Variants in COL17A1 observed in about 807,000 individuals in gnomAD.
COL17A1 encodes the protein collagen type XVII alpha 1 chain, also known as collagen alpha-1(XVII) chain.
COL17A1 carries 181 observed loss-of-function variants against 218.4 expected under a neutral mutation model. That is an observed-to-expected ratio of 0.83 (90% CI 0.73 to 0.94). The LOEUF is 0.94. COL17A1 is among the 40% of genes least tolerant of loss of function. The pLI, the probability that COL17A1 is intolerant of heterozygous loss-of-function variation, is 0.00. For synonymous variants in COL17A1, 721 were observed against 731.0 expected, an observed-to-expected ratio of 0.99 and a Z score of 0.22; for missense variants, 1,924 against 1,945.9, an observed-to-expected ratio of 0.99 and a Z score of 0.21.
chr10:104,041,948 G>A (rs74154724), intron 36 of COL17A1, among the ~76,000 whole-genome samples: 5,864 of 152,222 alleles, frequency 0.039, 352 homozygotes, highest in African/African-American at 0.13. Flanking sequence ...GGAAGACTCG[G>A]TGAAACACTG....
chr10:104,054,887 T>TG, intron 20 of COL17A1, 94 bp downstream of exon 20: 7 of 1,583,406 alleles, frequency 4.4e-6, no homozygotes, highest in Non-Finnish European at 6.1e-6. Context: ...AATTACTTCT[T>TG]GGAGTGCAAG....
At chr10:104,069,776 C>T (rs781740771) in intron 9 of COL17A1, among the ~76,000 whole-genome samples, 2 of 152,126 alleles carry the variant, frequency 1.3e-5, no homozygotes, top group African/African-American at 4.8e-5. Context: ...CCTGGCATCT[C>T]GGTGCTAATT....
chr10:104,065,978 C>A (rs147287331), intron 9 of COL17A1, among the ~76,000 whole-genome samples: 1 of 152,192 alleles, frequency 6.6e-6, no homozygotes, highest in Non-Finnish European at 1.5e-5. Flanking sequence ...ATACTAGGCC[C>A]CTGCTTGGAT....
chr10:104,055,642 C>A, intron 18 of COL17A1, 140 bp downstream of exon 18: 1 of 1,266,826 alleles, frequency 7.9e-7, no homozygotes, highest in Non-Finnish European at 1.1e-6. Context: ...TACCTCTCAG[C>A]GCTATTGAGA....
chr10:104,065,828 C>T (rs1012775008), intron 9 of COL17A1, among the ~76,000 whole-genome samples: 3 of 152,202 alleles, frequency 2.0e-5, no homozygotes, highest in South Asian at 2.1e-4. Flanking sequence ...CCTGCCAAGG[C>T]GTGGTTGAAT....
At chr10:104,038,895 C>A (rs1280658902) in intron 44 of COL17A1, among the ~76,000 whole-genome samples, 176 bp downstream of exon 44, 1 of 152,168 alleles carries the variant, frequency 6.6e-6, no homozygotes, top group Non-Finnish European at 1.5e-5. Context: ...TTCCCCTCAA[C>A]CCAATAACTC....
At chr10:104,040,497 C>T (rs2086347504) in intron 39 of COL17A1, 87 bp from the exon 40 acceptor site, 5 of 681,854 alleles carry the variant, frequency 7.3e-6, no homozygotes, top group Admixed American at 1.9e-5. Flanking sequence ...CATAGATGCT[C>T]AATCAATACT....
At chr10:104,069,128 C>G (rs544564403) in intron 9 of COL17A1, among the ~76,000 whole-genome samples, 10 of 152,208 alleles carry the variant, frequency 6.6e-5, no homozygotes, top group East Asian at 1.9e-4. Context: ...AACAGACTAC[C>G]AGAGGAAGAC....
rs1032048477 is a variant in COL17A1 at position 104,055,490 on chromosome 10, G to A, written c.1688-89C>T. ...CACACACACACACACACAATAAGGG[G>A]ATCATGGTATGGGAAGAAGAAACTG... On this transcript the variant is annotated intron_variant, in intron 18 of 55. Coordinates refer to ENST00000648076, the MANE Select transcript of COL17A1 (RefSeq NM_000494.4). 60 of 649,020 alleles carry A rather than the reference G, an allele frequency of 9.2e-5. No homozygotes were observed. In the Middle Eastern group the frequency reaches 1.1e-3, roughly 12 times the overall value. 40.2% of individuals were successfully genotyped at this position (649,020 alleles called of 1,614,324 possible).
chr10:104,064,298 G>A, intron 10 of COL17A1, 140 bp downstream of exon 10: 1 of 1,370,836 alleles, frequency 7.3e-7, no homozygotes, highest in Admixed American at 2.0e-5. Context: ...GTTCCAGGGG[G>A]AATCTCCTGG....
At chr10:104,074,989 C>G (rs2086698041) in intron 5 of COL17A1, among the ~76,000 whole-genome samples, 1 of 152,258 alleles carries the variant, frequency 6.6e-6, no homozygotes, top group South Asian at 2.1e-4. Context: ...ACGACTCCTT[C>G]TTGACCCTGA....
At position 104,039,613 on chromosome 10, in the gene COL17A1, G is replaced by T; in HGVS notation, c.2816C>A (p.Thr939Asn). 1.2e-6 allele frequency: 2 copies of T among 1,614,176 alleles called. No homozygotes were observed. Among genetic ancestry groups the T allele is most frequent in the Non-Finnish European group, 1.7e-6 (2 of 1,180,030 alleles). ...GGGCGGGGTTCAGCCCTTACCTGAGGTTGAGAAACCTGGGAGGCCTTGCTC... is the reference window on the plus strand; with the variant it reads ...GGGCGGGGTTCAGCCCTTACCTGAGTTTGAGAAACCTGGGAGGCCTTGCTC... ...QGEQGLPGFS[T>N]SGSSSFGLNL... The change falls in exon 42 of 56, where the codon ACC becomes AAC. Residue 939 changes from threonine to asparagine, a missense_variant. By Grantham distance (65) the Thr-to-Asn change is moderately conservative (BLOSUM62 0). Coordinates refer to ENST00000648076, the MANE Select transcript of COL17A1 (RefSeq NM_000494.4).
At chr10:104,045,681 GCCT>G (rs1315775530) in intron 33 of COL17A1, 74 bp downstream of exon 33, 2 of 1,216,486 alleles carry the variant, frequency 1.6e-6, no homozygotes, top group Non-Finnish European at 2.4e-6. Flanking sequence ...CCAGAGAGAG[GCCT>G]CCTCCTGTCC....
rs1470418992 is a variant in COL17A1 at position 104,057,793 on chromosome 10, G to A, written c.1267+353C>T. ...TGGAAGGAAATGAGGAAAGGCTAAGGGGCTGGAGGCGTGCATGGCTTAGTC... is the reference window on the plus strand; with the variant it reads ...TGGAAGGAAATGAGGAAAGGCTAAGAGGCTGGAGGCGTGCATGGCTTAGTC... On this transcript the variant is annotated intron_variant, in intron 16 of 55. Transcript: ENST00000648076. 2.6e-5 allele frequency among the ~76,000 whole-genome samples: 4 copies of A among 152,128 alleles called. No individual in the cohort carries two copies. The South Asian group carries it at 6.2e-4, about 24-fold the overall frequency.
chr10:104,041,665 C>A, intron 36 of COL17A1, 127 bp from the exon 37 acceptor site: 1 of 779,092 alleles, frequency 1.3e-6, no homozygotes, highest in South Asian at 1.7e-5. Context: ...AGACACCAGG[C>A]CCTGTGTCAT....
chr10:104,076,366 G>A lies in COL17A1; in HGVS notation c.266C>T (p.Thr89Ile). The A allele has an allele frequency of 6.2e-7, 1 of 1,614,240 alleles. No individual in the cohort carries two copies. The highest frequency in any genetic ancestry group is 8.5e-7 in the Non-Finnish European group (1 of 1,180,036). The change falls in exon 5 of 56, where the codon ACT becomes ATT. Residue 89 changes from threonine (T) to isoleucine (I), a missense_variant. Physicochemically the swap from Thr to Ile is moderately conservative, Grantham distance 89. Transcript: ENST00000648076. ...SYRRAHSPAS[T>I]LPNSPGSTFE... The stretch of plus-strand genomic sequence containing the variant: ...GGTTGAGCCTGGGGAGTTGGGCAGA[G>A]TGGAGGCAGGTGAGTGAGCCCTCCT...
chr10:104,051,753 A>C (rs2086471894), intron 24 of COL17A1, among the ~76,000 whole-genome samples: 1 of 152,204 alleles, frequency 6.6e-6, no homozygotes, highest in Non-Finnish European at 1.5e-5. Flanking sequence ...GGGCTGGGGC[A>C]GTAGAACATT....
intron 20 of COL17A1, among the ~76,000 whole-genome samples, 170 bp downstream of exon 20, chr10:104,054,811 T>C (rs1197737381): frequency 1.3e-5 from 2 of 152,330 alleles, no homozygotes; most frequent in East Asian, 3.9e-4. Context: ...AACTGCTCTG[T>C]GTCCAGCCAA....
intron 42 of COL17A1, 30 bp downstream of exon 42, chr10:104,039,578 A>C (rs773206445): frequency 1.2e-6 from 2 of 1,613,996 alleles, no homozygotes; most frequent in Non-Finnish European, 1.7e-6. Flanking sequence ...CTCTGGCCAG[A>C]GCCAGAATGG....
Sources: allele counts gnomAD v4.1 joint callset (sites outside exome capture counted in the v4.1 genomes callset), GRCh38; gene constraint gnomAD v4.1.1; transcripts MANE v1.5; gene names NCBI Gene and HGNC (gene_info 2026-07-23, HGNC 2026-07-21).